The following PARP8 variants were observed in gnomAD, a reference collection of about 807,000 sequenced individuals.
PARP8 encodes the protein protein mono-ADP-ribosyltransferase PARP8.
A neutral mutation model predicts 124.1 loss-of-function variants in PARP8; 51 were observed. That is an observed-to-expected ratio of 0.41 (90% CI 0.33 to 0.52). PARP8 has a LOEUF of 0.52. Ranked by LOEUF, PARP8 falls within the 20% of genes least tolerant of loss-of-function variation. The probability of loss-of-function intolerance (pLI) is 0.21; values close to 1 mark genes in which losing one functional copy is unlikely to be tolerated. For missense variants in PARP8, 860 were observed against 1,018.9 expected, an observed-to-expected ratio of 0.84 and a Z score of 2.12; for synonymous variants, 391 against 361.5, an observed-to-expected ratio of 1.08 and a Z score of -0.93.
At chr5:50,834,360 G>A (rs1289657504) in intron 24 of PARP8, among the ~76,000 whole-genome samples, 2 of 151,986 alleles carry the variant, frequency 1.3e-5, no homozygotes, top group East Asian at 3.9e-4. Flanking sequence ...CTTAAAGTTG[G>A]TATTTGAATA....
intron 2 of PARP8, among the ~76,000 whole-genome samples, chr5:50,743,444 C>A (rs1758250275): frequency 6.6e-6 from 1 of 152,036 alleles, no homozygotes; most frequent in South Asian, 2.1e-4. Flanking sequence ...AAATTACCTT[C>A]TAGCTTGAGA....
chr5:50,675,572 G>A (rs1750531221), intron 2 of PARP8, among the ~76,000 whole-genome samples: 2 of 152,232 alleles, frequency 1.3e-5, no homozygotes, highest in African/African-American at 2.4e-5. Context: ...GCCTCCCAAA[G>A]TGTTGGGATT....
At chr5:50,824,742 T>G (rs1415742230) in intron 17 of PARP8, among the ~76,000 whole-genome samples, 166 bp from the exon 18 acceptor site, 4 of 152,120 alleles carry the variant, frequency 2.6e-5, no homozygotes, top group Admixed American at 6.6e-5. Context: ...ACAATTCCCA[T>G]CATCTTGGGA....
At chr5:50,687,987 G>C (rs1752059364) in intron 2 of PARP8, among the ~76,000 whole-genome samples, 1 of 152,088 alleles carries the variant, frequency 6.6e-6, no homozygotes, top group South Asian at 2.1e-4. Flanking sequence ...AAGTAGCTGG[G>C]ACTACAGATG....
intron 2 of PARP8, among the ~76,000 whole-genome samples, chr5:50,749,327 T>G (rs1473485824): frequency 6.6e-6 from 1 of 152,154 alleles, no homozygotes; most frequent in East Asian, 1.9e-4. Context: ...GCTTCACTGA[T>G]GCAGTCAGAT....
rs77923774 is a variant in PARP8, at chr5:50,798,992, T to C, written c.1575+1759T>C. On this transcript the variant is annotated intron_variant, in intron 14 of 25. Transcript: ENST00000281631. The stretch of plus-strand genomic sequence containing the variant: ...ACTTTATCTTTACCACATATATGAT[T>C]TGCAATTATTTTCTTCTATTTTGTA... 5.5e-3 allele frequency among the ~76,000 whole-genome samples: 842 copies of C among 152,350 alleles called. 7 individuals are homozygous for C. The highest frequency in any genetic ancestry group is 0.019 in the African/African-American group (788 of 41,584).
chr5:50,710,246 T>C (rs1042812540), intron 2 of PARP8, among the ~76,000 whole-genome samples: 2 of 151,960 alleles, frequency 1.3e-5, no homozygotes, highest in African/African-American at 4.8e-5. Flanking sequence ...TGCACATTTT[T>C]GCTGCTGTTA....
Position 50,794,943 on chromosome 5 carries a change from G to A in PARP8, c.954G>A (p.Leu318=). The change falls in exon 12 of 26, where the codon CTG becomes CTA. Residue 318 remains leucine (L), a synonymous_variant. Transcript: ENST00000281631. ...GAATCTCCAAAACGCATAAGCTGCT[G>A]CGGAGGACTTGTTCCAGCACAGTCA... is the stretch of plus-strand genomic sequence containing the variant. The part of the protein sequence containing the change: ...QDGISKTHKL[L]RRTCSSTVKT... The A allele has an allele frequency of 6.2e-7, 1 of 1,614,212 alleles. No homozygotes were observed. The highest frequency in any genetic ancestry group is 1.1e-5 in the South Asian group (1 of 91,086).
At chr5:50,669,549 C>T (rs1257285392) in intron 2 of PARP8, 1 of 152,096 alleles carries the variant, frequency 6.6e-6, no homozygotes, top group African/African-American at 2.4e-5. Flanking sequence ...TTCTTTTGGC[C>T]TCAGTTTACT....
chr5:50,829,785 T>A (rs1189481667), intron 21 of PARP8, 107 bp from the exon 22 acceptor site: 5 of 1,110,902 alleles, frequency 4.5e-6, no homozygotes, highest in Non-Finnish European at 6.1e-6. Flanking sequence ...AGCTCTGTCA[T>A]TTTTTTGTAA....
At chr5:50,666,297 C>G (rs1480991216), upstream of PARP8, 1 of 152,224 alleles carries the variant, frequency 6.6e-6, no homozygotes, top group African/African-American at 2.4e-5. Context: ...TTCTTTTCCC[C>G]CCTTTTCCCC....
chr5:50,756,848 A>G (rs1402006597), intron 3 of PARP8, among the ~76,000 whole-genome samples: 1 of 152,078 alleles, frequency 6.6e-6, no homozygotes, highest in Non-Finnish European at 1.5e-5. Context: ...GCCCCTGGCC[A>G]CCATTGTTCT....
At chr5:50,788,737 G>A in intron 10 of PARP8, 148 bp downstream of exon 10, 1 of 665,886 alleles carries the variant, frequency 1.5e-6, no homozygotes, top group South Asian at 1.9e-5. Context: ...GATGCTAAGA[G>A]CTGCGTTGAT....
At chr5:50,835,770 T>C (rs576331194) in intron 25 of PARP8, among the ~76,000 whole-genome samples, 1 of 143,842 alleles carries the variant, frequency 7.0e-6, no homozygotes, top group South Asian at 2.1e-4. Context: ...CAATGTGGGG[T>C]TTTTTTTTGG....
At chr5:50,825,820 G>A (rs776364010) in intron 18 of PARP8, among the ~76,000 whole-genome samples, 1 of 152,078 alleles carries the variant, frequency 6.6e-6, no homozygotes, top group African/African-American at 2.4e-5. Context: ...ATATGTAAAG[G>A]TGGGCAGATG....
Position 50,828,864 on chromosome 5 carries a change from C to G in PARP8, c.2163+480C>G, listed in dbSNP as rs1302117177. Among the ~76,000 whole-genome samples the G allele has an allele frequency of 2.0e-5, 3 of 151,474 alleles. No individual in the cohort carries two copies. In the East Asian group the frequency reaches 5.8e-4, roughly 29 times the overall value. ...TGAGATCACACCACTGTACCTCAGC[C>G]TGGGTGACAGCAAGACTGTCTCAAC... On this transcript the variant is annotated intron_variant, in intron 21 of 25. Transcript: ENST00000281631.
rs1748418287 is a variant in PARP8, at chr5:50,843,958, G to C, written c.*1890G>C. On this transcript the variant is annotated 3_prime_UTR_variant, in exon 26 of 26. Coordinates refer to ENST00000281631, the MANE Select transcript of PARP8 (RefSeq NM_024615.4). ...CTGTTTGACCACTAGGACCACTGAG[G>C]CACCTCCAATAAGCTCTGTAGAGTG... The C allele has an allele frequency of 6.6e-6, 1 of 151,796 alleles. No homozygotes were observed. The highest frequency in any genetic ancestry group is 2.4e-5 in the African/African-American group (1 of 41,380). 9.4% of individuals were successfully genotyped at this position (151,796 alleles called of 1,614,324 possible). A position where few individuals can be genotyped will look rare whatever the true frequency, so the allele number is the denominator to read the frequency against.
At chr5:50,670,677 T>C (rs971089651) in intron 2 of PARP8, among the ~76,000 whole-genome samples, 4 of 152,236 alleles carry the variant, frequency 2.6e-5, no homozygotes, top group Non-Finnish European at 5.9e-5. Flanking sequence ...TGCTTTTGGA[T>C]GTGCAAACTG....
intron 2 of PARP8, among the ~76,000 whole-genome samples, chr5:50,729,146 A>G (rs1036959905): frequency 2.0e-5 from 3 of 152,102 alleles, no homozygotes; most frequent in Non-Finnish European, 2.9e-5. Context: ...TTGTTTTCCT[A>G]CTGCTTTGGT....
Sources: allele counts gnomAD v4.1 joint callset (sites outside exome capture counted in the v4.1 genomes callset), GRCh38; gene constraint gnomAD v4.1.1; transcripts MANE v1.5; gene names NCBI Gene and HGNC (gene_info 2026-07-23, HGNC 2026-07-21).